Variants in EYS observed in about 807,000 individuals in gnomAD.
EYS encodes protein eyes shut homolog.
Under a neutral mutation model 282.1 loss-of-function variants are expected in EYS, and 250 were observed. The observed-to-expected ratio is 0.89, with a 90% CI of 0.80 to 0.98. The LOEUF (loss-of-function observed/expected upper bound fraction) is 0.98, where lower values mean the gene tolerates loss of function less well. EYS is among the 50% of genes least tolerant of loss of function. EYS has a pLI of 0.00. For missense variants in EYS, 4,016 were observed against 3,709.0 expected (o/e 1.08, Z -2.15); for synonymous variants, 1,355 against 1,282.9 (o/e 1.06, Z -1.20).
At chr6:64,097,389 G>A (rs1055232580) in intron 31 of EYS, among the ~76,000 whole-genome samples, 15 of 152,108 alleles carry the variant, frequency 9.9e-5, no homozygotes, top group African/African-American at 9.7e-5. Context: ...CTTGAGCTGC[G>A]GTGGCCTCCA....
chr6:65,210,679 A>C (rs1766152209), intron 12 of EYS, among the ~76,000 whole-genome samples: 1 of 151,954 alleles, frequency 6.6e-6, no homozygotes, highest in Admixed American at 6.6e-5. Context: ...CATGAAAGGA[A>C]TCATGAATAA....
intron 2 of EYS, among the ~76,000 whole-genome samples, chr6:65,583,479 G>A (rs916866321): frequency 8.6e-5 from 13 of 151,886 alleles, no homozygotes; most frequent in African/African-American, 2.7e-4. Context: ...AGTCCGAGCC[G>A]GTATTCCACT....
intron 26 of EYS, among the ~76,000 whole-genome samples, chr6:64,447,983 A>G (rs1392773074): frequency 6.6e-6 from 1 of 152,236 alleles, no homozygotes; most frequent in African/African-American, 2.4e-5. Flanking sequence ...TTCCCTGATT[A>G]AAAACATAAG....
chr6:64,945,740 A>G (rs1769264532), intron 15 of EYS, 53 bp downstream of exon 15: 1 of 1,507,034 alleles, frequency 6.6e-7, no homozygotes, highest in Admixed American at 2.0e-5. Context: ...TATCCCAAGG[A>G]CACTGAGCAC....
chr6:65,642,946 G>C (rs1562305233), intron 1 of EYS, among the ~76,000 whole-genome samples: 1 of 152,232 alleles, frequency 6.6e-6, no homozygotes, highest in East Asian at 1.9e-4. Flanking sequence ...TGCTTGGACA[G>C]ACAGAGCAGT....
intron 30 of EYS, among the ~76,000 whole-genome samples, chr6:64,241,848 T>C (rs1423881608): frequency 6.6e-6 from 1 of 152,226 alleles, no homozygotes; most frequent in Non-Finnish European, 1.5e-5. Context: ...TAAATTTTCC[T>C]CTGCACACTG....
chr6:65,153,825 TG>T (rs1475498301), intron 12 of EYS, among the ~76,000 whole-genome samples: 1 of 151,900 alleles, frequency 6.6e-6, no homozygotes, highest in Non-Finnish European at 1.5e-5. Context: ...CATGATTTGT[TG>T]CACTCTCTGG....
intron 26 of EYS, among the ~76,000 whole-genome samples, chr6:64,564,268 CTTTTTT>C (rs4034161): frequency 1.3e-4 from 8 of 59,386 alleles, no homozygotes; most frequent in South Asian, 9.9e-4. Flanking sequence ...ATCTTTTGTC[CTTTTTT>C]TTTTTTTTTT....
intron 8 of EYS, among the ~76,000 whole-genome samples, chr6:65,354,234 T>G (rs565485074): frequency 4.6e-5 from 7 of 152,208 alleles, no homozygotes; most frequent in African/African-American, 1.7e-4. Context: ...TCAACCAGCA[T>G]GAAATTTAAG....
intron 26 of EYS, among the ~76,000 whole-genome samples, chr6:64,579,844 G>A (rs1562072882): frequency 6.6e-6 from 1 of 152,050 alleles, no homozygotes; most frequent in Non-Finnish European, 1.5e-5. Flanking sequence ...CGGTTACTTT[G>A]AAATAAGCTA....
At position 65,539,399 on chromosome 6, in the gene EYS, A is replaced by G. The variant is rs570939449; in HGVS notation, c.-332-43406T>C. On this transcript the variant is annotated intron_variant, in intron 2 of 42. Transcript: ENST00000503581. The stretch of plus-strand genomic sequence containing the variant: ...AAAATTTCCTAAAACAAACTTATAG[A>G]AGACTAATCAGATAGCAATTTCTGA... Among the ~76,000 whole-genome samples the G allele has an allele frequency of 9.1e-4, 138 of 152,306 alleles. 1 individual carries two copies. The South Asian group carries it at 0.021, about 23-fold the overall frequency.
intron 30 of EYS, among the ~76,000 whole-genome samples, chr6:64,245,114 G>T (rs1027805472): frequency 6.6e-6 from 1 of 151,828 alleles, no homozygotes; most frequent in African/African-American, 2.4e-5. Flanking sequence ...TGCTCAGAAC[G>T]ATGGTTTCCA....
intron 22 of EYS, among the ~76,000 whole-genome samples, chr6:64,772,481 G>GTAT (rs1223031923): frequency 6.6e-6 from 1 of 151,752 alleles, no homozygotes; most frequent in East Asian, 1.9e-4. Flanking sequence ...ATCACCTCAA[G>GTAT]TATTTATCCT....
chr6:64,100,507 T>TC (rs1164416095), intron 31 of EYS, among the ~76,000 whole-genome samples: 3 of 152,140 alleles, frequency 2.0e-5, no homozygotes, highest in East Asian at 1.9e-4. Flanking sequence ...ATTTTTTTTT[T>TC]CCACAGCATT....
intron 5 of EYS, among the ~76,000 whole-genome samples, chr6:65,415,711 T>C (rs1315471219): frequency 1.3e-5 from 2 of 152,102 alleles, no homozygotes; most frequent in Non-Finnish European, 1.5e-5. Context: ...TCTGATTGTT[T>C]CTGCTGTTTA....
chr6:65,139,531 A>G (rs1360177834), intron 12 of EYS, among the ~76,000 whole-genome samples: 1 of 152,040 alleles, frequency 6.6e-6, no homozygotes, highest in Non-Finnish European at 1.5e-5. Context: ...CCAAACCTCC[A>G]CAGCATGCAA....
chr6:64,705,063 G>C (rs868189109), intron 22 of EYS, among the ~76,000 whole-genome samples: 1 of 151,980 alleles, frequency 6.6e-6, no homozygotes, highest in Non-Finnish European at 1.5e-5. Context: ...ATGATCAAAC[G>C]TTTACCTAGA....
chr6:65,016,701 A>C (rs1264948861), intron 13 of EYS, among the ~76,000 whole-genome samples: 1 of 152,214 alleles, frequency 6.6e-6, no homozygotes, highest in Non-Finnish European at 1.5e-5. Flanking sequence ...TAGACTGGAC[A>C]GTATAAATTC....
chr6:64,228,867 A>ACTCTTT (rs1479431091), intron 31 of EYS, among the ~76,000 whole-genome samples: 1 of 152,136 alleles, frequency 6.6e-6, no homozygotes, highest in Non-Finnish European at 1.5e-5. Context: ...ATACTAGGTA[A>ACTCTTT]AGAGTTAAAG....
Sources: allele counts gnomAD v4.1 joint callset (sites outside exome capture counted in the v4.1 genomes callset), GRCh38; gene constraint gnomAD v4.1.1; transcripts MANE v1.5; gene names NCBI Gene and HGNC (gene_info 2026-07-23, HGNC 2026-07-21).